Variants in NARS2 observed in about 807,000 individuals in gnomAD.
NARS2 encodes asparaginyl-tRNA synthetase.
NARS2 carries 60 observed loss-of-function variants against 62.9 expected under a neutral mutation model. The observed-to-expected ratio is 0.95, with a 90% confidence interval of 0.77 to 1.18. The LOEUF (loss-of-function observed/expected upper bound fraction) is 1.18. Ranked by LOEUF, NARS2 falls within the 50% of genes most tolerant of loss-of-function variation. NARS2 has a pLI of 0.00. For missense variants in NARS2, 619 were observed against 576.4 expected (o/e 1.07, Z -0.76); for synonymous variants, 196 against 200.0 (o/e 0.98, Z 0.17).
chr11:78,521,058 C>G (rs75131372), intron 6 of NARS2, among the ~76,000 whole-genome samples: 2 of 47,216 alleles, frequency 4.2e-5, no homozygotes, highest in African/African-American at 1.6e-4. Context: ...GACTCTGTCT[C>G]CAAAAAAAAA....
intron 5 of NARS2, among the ~76,000 whole-genome samples, chr11:78,543,924 G>C (rs541103661): frequency 6.6e-6 from 1 of 151,206 alleles, no homozygotes; most frequent in Admixed American, 6.6e-5. Context: ...CCAGCTACTC[G>C]GGAGGCTGAG....
chr11:78,455,833 T>G (rs931181747), intron 11 of NARS2, among the ~76,000 whole-genome samples: 7 of 151,712 alleles, frequency 4.6e-5, no homozygotes, highest in Admixed American at 2.0e-4. Context: ...CACTGAGAGG[T>G]AGCAGCCTCA....
In NARS2 at chr11:78,466,126, T is replaced by C. The variant is rs1203297135; in HGVS notation, c.1027-113A>G. 4 of 1,072,210 alleles carry C rather than the reference T, an allele frequency of 3.7e-6. No homozygotes were observed. The South Asian group carries it at 5.0e-5, about 13-fold the overall frequency. 66.4% of individuals were successfully genotyped at this position (1,072,210 alleles called of 1,614,324 possible). On this transcript the variant is annotated intron_variant, in intron 10 of 13. Coordinates refer to ENST00000281038, the MANE Select transcript of NARS2 (RefSeq NM_024678.6). Reference sequence around the variant, plus strand: ...AGGGCTTCATCTTCCTGAGGCTCCATGTGTGGAGCTAGCTGCTAAGGTTAC... The same window carrying C: ...AGGGCTTCATCTTCCTGAGGCTCCACGTGTGGAGCTAGCTGCTAAGGTTAC...
chr11:78,449,892 G>A (rs762346999), intron 11 of NARS2, among the ~76,000 whole-genome samples: 1 of 152,156 alleles, frequency 6.6e-6, no homozygotes, highest in Non-Finnish European at 1.5e-5. Context: ...ACAATGAAAG[G>A]CCTTTTAAAA....
At chr11:78,466,194 C>T (rs1403418635) in intron 10 of NARS2, among the ~76,000 whole-genome samples, 181 bp from the exon 11 acceptor site, 1 of 152,092 alleles carries the variant, frequency 6.6e-6, no homozygotes, top group African/African-American at 2.4e-5. Context: ...AACAAGAACA[C>T]CTACAGGCCT....
At position 78,498,279 on chromosome 11, in the gene NARS2, G is replaced by A. The variant is rs551682689; in HGVS notation, c.690-5084C>T. On this transcript the variant is annotated intron_variant, in intron 6 of 13. Coordinates refer to ENST00000281038, the MANE Select transcript of NARS2 (RefSeq NM_024678.6). Reference sequence around the variant, plus strand: ...ATTTGATACACCTTGAAATACCCTCGCCTCTTGAAACATTTAACACTATTT... The same window carrying A: ...ATTTGATACACCTTGAAATACCCTCACCTCTTGAAACATTTAACACTATTT... 1.0e-3 allele frequency among the ~76,000 whole-genome samples: 158 copies of A among 152,170 alleles called. 1 individual carries two copies. Among genetic ancestry groups the A allele is most frequent in the Middle Eastern group, 0.01 (3 of 294 alleles).
chr11:78,502,991 C>A (rs892016825), intron 6 of NARS2, among the ~76,000 whole-genome samples: 1,861 of 82,718 alleles, frequency 0.022, no homozygotes, highest in Admixed American at 0.025. Context: ...GAGACTGTCT[C>A]AAAAAAAAAA....
rs539056021 is a variant in NARS2, at chr11:78,502,522, T to G, written c.690-9327A>C. Among the ~76,000 whole-genome samples, 9 of 152,302 alleles carry G rather than the reference T, an allele frequency of 5.9e-5. No homozygotes were observed. In the East Asian group the frequency reaches 1.7e-3, roughly 29 times the overall value. Reference sequence around the variant, plus strand: ...ACATAGGGGTTAGGACAATACAACATATGAATCCTAGGGGAGAGGCAATTC... The same window carrying G: ...ACATAGGGGTTAGGACAATACAACAGATGAATCCTAGGGGAGAGGCAATTC... On this transcript the variant is annotated intron_variant, in intron 6 of 13. Coordinates refer to ENST00000281038, the MANE Select transcript of NARS2 (RefSeq NM_024678.6).
intron 7 of NARS2, among the ~76,000 whole-genome samples, chr11:78,486,394 C>T (rs1282524286): frequency 6.6e-6 from 1 of 152,098 alleles, no homozygotes; most frequent in East Asian, 1.9e-4. Flanking sequence ...TAGGGCTCAC[C>T]TCCAAGAAAT....
intron 6 of NARS2, among the ~76,000 whole-genome samples, chr11:78,504,965 T>TAC (rs1446055056): frequency 6.6e-6 from 1 of 152,122 alleles, no homozygotes; most frequent in Non-Finnish European, 1.5e-5. Flanking sequence ...TTAAGGTTGT[T>TAC]AGTGGGTTTC....
intron 5 of NARS2, among the ~76,000 whole-genome samples, chr11:78,540,455 A>G (rs910207985): frequency 7.0e-6 from 1 of 142,218 alleles, no homozygotes; most frequent in Non-Finnish European, 1.6e-5. Flanking sequence ...TAAGCTGAAC[A>G]GTGGAAAGGA....
intron 7 of NARS2, among the ~76,000 whole-genome samples, chr11:78,492,804 G>C (rs931414428): frequency 3.9e-5 from 6 of 152,046 alleles, no homozygotes; most frequent in African/African-American, 9.7e-5. Flanking sequence ...TCTCATTTTA[G>C]AGTTGAGGAA....
In NARS2 at chr11:78,470,284, A is replaced by C. The variant is rs118122604; in HGVS notation, c.960-971T>G. Reference sequence around the variant, plus strand: ...AGCAAGTATTTGTTTTAATTTAACTATGTGAATAGGTAACTTGTCTACATA... The same window carrying C: ...AGCAAGTATTTGTTTTAATTTAACTCTGTGAATAGGTAACTTGTCTACATA... On this transcript the variant is annotated intron_variant, in intron 9 of 13. Coordinates refer to ENST00000281038, the MANE Select transcript of NARS2 (RefSeq NM_024678.6). Among the ~76,000 whole-genome samples, 144 of 152,320 alleles carry C rather than the reference A, an allele frequency of 9.5e-4. No homozygotes were observed. In the East Asian group the frequency reaches 0.026, roughly 28 times the overall value.
At chr11:78,519,349 C>G (rs1392749893) in intron 6 of NARS2, among the ~76,000 whole-genome samples, 2 of 152,034 alleles carry the variant, frequency 1.3e-5, no homozygotes, top group African/African-American at 4.8e-5. Context: ...AAGTTGATTG[C>G]CCCAAACTGA....
intron 7 of NARS2, among the ~76,000 whole-genome samples, chr11:78,486,730 G>A (rs899069879): frequency 3.3e-5 from 5 of 151,914 alleles, no homozygotes; most frequent in Non-Finnish European, 5.9e-5. Flanking sequence ...GACATACAAA[G>A]AACCAGGAAA....
intron 9 of NARS2, among the ~76,000 whole-genome samples, chr11:78,474,643 C>G (rs1030853579): frequency 1.5e-4 from 23 of 152,156 alleles, no homozygotes; most frequent in African/African-American, 5.6e-4. Context: ...TTTGTCCACT[C>G]AATTACTCAG....
intron 5 of NARS2, among the ~76,000 whole-genome samples, chr11:78,559,160 G>C (rs1016991374): frequency 1.3e-5 from 2 of 151,760 alleles, no homozygotes; most frequent in African/African-American, 4.8e-5. Flanking sequence ...AAAATTAGCT[G>C]GGCCTGGTGG....
chr11:78,478,577 CTAAT>C lies in NARS2; in HGVS notation c.921+4_921+7del. On this transcript the variant is annotated splice_donor_5th_base_variant and intron_variant, in intron 8 of 13. Coordinates refer to ENST00000281038, the MANE Select transcript of NARS2 (RefSeq NM_024678.6). ...GATGTATTGGGCTTTATCCATAAAA[CTAAT>C]TACCTTTTGGCCAGGTGCTATGAAT... The C allele has an allele frequency of 6.3e-7, 1 of 1,578,230 alleles. No individual in the cohort carries two copies. Among genetic ancestry groups the C allele is most frequent in the Non-Finnish European group, 8.7e-7 (1 of 1,149,698 alleles).
At chr11:78,563,096 T>A (rs1303557795) in intron 4 of NARS2, among the ~76,000 whole-genome samples, 15 of 152,130 alleles carry the variant, frequency 9.9e-5, no homozygotes. Flanking sequence ...GGTAACAGAA[T>A]TATATTCTCC....
Sources: allele counts gnomAD v4.1 joint callset (sites outside exome capture counted in the v4.1 genomes callset), GRCh38; gene constraint gnomAD v4.1.1; transcripts MANE v1.5; gene names NCBI Gene and HGNC (gene_info 2026-07-23, HGNC 2026-07-21).